Variants in ST6GALNAC3 observed in about 807,000 individuals in gnomAD.
ST6GALNAC3 encodes ST6 N-acetylgalactosaminide alpha-2,6-sialyltransferase 3, also known as alpha-N-acetylgalactosaminide alpha-2,6-sialyltransferase 3.
ST6GALNAC3 carries 25 observed loss-of-function variants against 32.7 expected under a neutral mutation model. That is an observed-to-expected ratio of 0.76 (90% CI 0.56 to 1.07). The LOEUF (loss-of-function observed/expected upper bound fraction) is 1.07, where lower values mean the gene tolerates loss of function less well. ST6GALNAC3 is among the 50% of genes least tolerant of loss of function. ST6GALNAC3 has a pLI of 0.00. For missense variants in ST6GALNAC3, 355 were observed against 382.4 expected, an observed-to-expected ratio of 0.93 and a Z score of 0.60; for synonymous variants, 129 against 133.1, an observed-to-expected ratio of 0.97 and a Z score of 0.21.
chr1:76,189,742 G>T (rs1653787448), intron 1 of ST6GALNAC3, among the ~76,000 whole-genome samples: 1 of 152,214 alleles, frequency 6.6e-6, no homozygotes. Context: ...AAAGGCTCTT[G>T]CAGAAAAGTA....
At chr1:76,298,258 G>A (rs60579420) in intron 1 of ST6GALNAC3, among the ~76,000 whole-genome samples, 47,649 of 151,958 alleles carry the variant, frequency 0.31, 8,553 homozygotes, top group Non-Finnish European at 0.41. Flanking sequence ...ATCCTTAATT[G>A]TGTAGAAAGA....
At chr1:76,094,647 G>C (rs558588918) in intron 1 of ST6GALNAC3, among the ~76,000 whole-genome samples, 1 of 152,178 alleles carries the variant, frequency 6.6e-6, no homozygotes, top group African/African-American at 2.4e-5. Context: ...AGAATTTTAA[G>C]TAGAGGAAAC....
At chr1:76,332,744 C>T (rs1385030939) in intron 2 of ST6GALNAC3, among the ~76,000 whole-genome samples, 1 of 152,158 alleles carries the variant, frequency 6.6e-6, no homozygotes, top group African/African-American at 2.4e-5. Context: ...GCCCTGTACC[C>T]ACAGTACTCA....
intron 3 of ST6GALNAC3, among the ~76,000 whole-genome samples, chr1:76,626,232 TA>T (rs1648960617): frequency 6.6e-6 from 1 of 151,832 alleles, no homozygotes; most frequent in African/African-American, 2.4e-5. Flanking sequence ...AGAGAGCGGT[TA>T]TCAGTATCTA....
At chr1:76,174,433 T>C (rs994452722) in intron 1 of ST6GALNAC3, among the ~76,000 whole-genome samples, 1 of 148,432 alleles carries the variant, frequency 6.7e-6, no homozygotes, top group Non-Finnish European at 1.5e-5. Flanking sequence ...ATCTCATTGT[T>C]TTTTTTTTTT....
intron 1 of ST6GALNAC3, among the ~76,000 whole-genome samples, chr1:76,153,292 C>T (rs930000856): frequency 2.0e-5 from 3 of 152,140 alleles, no homozygotes; most frequent in African/African-American, 4.8e-5. Context: ...TTGAAGGACA[C>T]TGATAATGTT....
At chr1:76,351,562 T>C (rs1280611469) in intron 2 of ST6GALNAC3, among the ~76,000 whole-genome samples, 1 of 152,158 alleles carries the variant, frequency 6.6e-6, no homozygotes, top group African/African-American at 2.4e-5. Context: ...AGAGTCTCCA[T>C]GTTTGCCCAT....
At chr1:76,181,963 G>A (rs1359295189) in intron 1 of ST6GALNAC3, among the ~76,000 whole-genome samples, 1 of 152,098 alleles carries the variant, frequency 6.6e-6, no homozygotes, top group Non-Finnish European at 1.5e-5. Flanking sequence ...ATTCGAATTA[G>A]GATGCTTATT....
At chr1:76,465,580 C>G (rs1465988631) in intron 3 of ST6GALNAC3, among the ~76,000 whole-genome samples, 1 of 152,150 alleles carries the variant, frequency 6.6e-6, no homozygotes, top group Non-Finnish European at 1.5e-5. Flanking sequence ...CCTTGGGGAA[C>G]AGTTGCTGTA....
intron 1 of ST6GALNAC3, among the ~76,000 whole-genome samples, chr1:76,091,884 A>G (rs1484527504): frequency 6.6e-6 from 1 of 152,186 alleles, no homozygotes; most frequent in Non-Finnish European, 1.5e-5. Flanking sequence ...TATCCCTATC[A>G]TTGAGCCATT....
intron 2 of ST6GALNAC3, among the ~76,000 whole-genome samples, chr1:76,327,318 G>A (rs1647096880): frequency 6.8e-6 from 1 of 146,720 alleles, no homozygotes; most frequent in African/African-American, 2.6e-5. Flanking sequence ...GTGTGTGTAT[G>A]TGTGTATAGA....
In ST6GALNAC3 at chr1:76,299,044, A is replaced by C. The variant is rs181313323; in HGVS notation, c.19-14761A>C. 2.0e-3 allele frequency among the ~76,000 whole-genome samples: 311 copies of C among 152,214 alleles called. 1 individual carries two copies. The highest frequency in any genetic ancestry group is 7.0e-3 in the African/African-American group (292 of 41,554). Reference sequence around the variant, plus strand: ...AGCCTGATTTGCAGAATACCATCTAAAAATAAAATGCATAAAAATGTCAAA... The same window carrying C: ...AGCCTGATTTGCAGAATACCATCTACAAATAAAATGCATAAAAATGTCAAA... On this transcript the variant is annotated intron_variant, in intron 1 of 4. Transcript: ENST00000328299.
At chr1:76,628,541 C>A in intron 4 of ST6GALNAC3, 79 bp from the exon 5 acceptor site, 1 of 1,289,886 alleles carries the variant, frequency 7.8e-7, no homozygotes, top group Non-Finnish European at 1.0e-6. Context: ...ATTTACTGGG[C>A]ACATAATGGA....
chr1:76,542,095 C>T (rs767666734), intron 3 of ST6GALNAC3, among the ~76,000 whole-genome samples: 13 of 152,250 alleles, frequency 8.5e-5, no homozygotes, highest in Non-Finnish European at 1.9e-4. Context: ...TTCAAACAAT[C>T]TCCAAATGAA....
At chr1:76,256,194 T>A (rs1657910716) in intron 1 of ST6GALNAC3, among the ~76,000 whole-genome samples, 1 of 152,172 alleles carries the variant, frequency 6.6e-6, no homozygotes. Flanking sequence ...TTATAAGAAG[T>A]GCTAAATTAT....
At chr1:76,586,811 A>C (rs1171719281) in intron 3 of ST6GALNAC3, among the ~76,000 whole-genome samples, 4 of 152,248 alleles carry the variant, frequency 2.6e-5, no homozygotes, top group Non-Finnish European at 2.9e-5. Flanking sequence ...AAGTAACTAC[A>C]TGATATAGAA....
At chr1:76,374,242 G>T (rs988395777) in intron 2 of ST6GALNAC3, among the ~76,000 whole-genome samples, 63 of 152,180 alleles carry the variant, frequency 4.1e-4, no homozygotes, top group Non-Finnish European at 1.3e-4. Flanking sequence ...TAAATGTGAT[G>T]CTTGGGTGTA....
chr1:76,518,575 A>G (rs1024234220), intron 3 of ST6GALNAC3, among the ~76,000 whole-genome samples: 1 of 152,060 alleles, frequency 6.6e-6, no homozygotes, highest in Non-Finnish European at 1.5e-5. Context: ...TAAACTTACA[A>G]TTTCCAATTC....
At chr1:76,362,750 A>G (rs970683044) in intron 2 of ST6GALNAC3, among the ~76,000 whole-genome samples, 4 of 152,240 alleles carry the variant, frequency 2.6e-5, no homozygotes, top group Admixed American at 2.0e-4. Flanking sequence ...CATGTCTCAC[A>G]TCTGGGACAC....
Sources: gnomAD v4.1 joint callset for allele counts (sites outside exome capture counted in the v4.1 genomes callset) on GRCh38, gnomAD v4.1.1 for gene constraint, MANE v1.5 for transcripts, NCBI Gene and HGNC (gene_info 2026-07-23, HGNC 2026-07-21) for gene names.